The following GRM7 variants were observed in gnomAD, a reference collection of about 807,000 sequenced individuals.
The protein encoded by GRM7 is metabotropic glutamate receptor 7.
A neutral mutation model predicts 84.5 loss-of-function variants in GRM7; 35 were observed. That is an observed-to-expected ratio of 0.41 (90% CI 0.32 to 0.55). The LOEUF is 0.55. Ranked by LOEUF, GRM7 falls within the 20% of genes least tolerant of loss-of-function variation. GRM7 has a pLI of 0.19. For missense variants in GRM7, 1,003 were observed against 1,194.6 expected, an observed-to-expected ratio of 0.84 and a Z score of 2.36; for synonymous variants, 487 against 455.1, an observed-to-expected ratio of 1.07 and a Z score of -0.89.
At chr3:6,990,314 A>C (rs1010268856) in intron 1 of GRM7, among the ~76,000 whole-genome samples, 1 of 152,242 alleles carries the variant, frequency 6.6e-6, no homozygotes, top group African/African-American at 2.4e-5. Context: ...CTTTAAAAGG[A>C]AGCAAATAAA....
At chr3:7,281,494 A>G (rs914742002) in intron 2 of GRM7, among the ~76,000 whole-genome samples, 5 of 152,222 alleles carry the variant, frequency 3.3e-5, no homozygotes, top group African/African-American at 1.2e-4. Flanking sequence ...GACAGATGAG[A>G]CAATACTTGC....
chr3:7,055,105 A>C, intron 1 of GRM7, among the ~76,000 whole-genome samples: 1 of 151,864 alleles, frequency 6.6e-6, no homozygotes, highest in East Asian at 1.9e-4. Flanking sequence ...GCTTAGACCT[A>C]ATGCAAATCT....
chr3:7,351,640 A>T (rs1022016107), intron 4 of GRM7, among the ~76,000 whole-genome samples: 1 of 152,108 alleles, frequency 6.6e-6, no homozygotes. Flanking sequence ...TATGGCTAGA[A>T]CAAAGCAGGC....
chr3:7,479,341 C>T (rs955867564), intron 7 of GRM7, among the ~76,000 whole-genome samples: 1 of 151,872 alleles, frequency 6.6e-6, no homozygotes, highest in African/African-American at 2.4e-5. Context: ...TTGAGGGATA[C>T]TCCTTGGAGG....
intron 8 of GRM7, among the ~76,000 whole-genome samples, chr3:7,620,815 G>A (rs1033154412): frequency 7.9e-5 from 12 of 152,220 alleles, no homozygotes; most frequent in African/African-American, 1.9e-4. Flanking sequence ...TGCCTGTTAC[G>A]CTAGAGCAGC....
At chr3:6,975,695 A>G (rs1308389241) in intron 1 of GRM7, among the ~76,000 whole-genome samples, 1 of 152,106 alleles carries the variant, frequency 6.6e-6, no homozygotes, top group African/African-American at 2.4e-5. Context: ...ATTCTAATAT[A>G]TTTTATTTTG....
rs181983620 is a variant in GRM7 at position 6,944,279 on chromosome 3, C to A, written c.519+82372C>A. Among the ~76,000 whole-genome samples, 69 of 152,164 alleles carry A rather than the reference C, an allele frequency of 4.5e-4. 1 individual carries two copies. The highest frequency in any genetic ancestry group is 1.5e-3 in the African/African-American group (63 of 41,564). On this transcript the variant is annotated intron_variant, in intron 1 of 9. Coordinates refer to ENST00000357716, the MANE Select transcript of GRM7 (RefSeq NM_000844.4). ...TCATCTTAGAGAAAAGACTTTCAAT[C>A]TTTCATTACTAAGTATGTTGTTAAC...
chr3:7,239,112 A>G (rs9820947), intron 2 of GRM7, among the ~76,000 whole-genome samples: 135,831 of 151,068 alleles, frequency 0.9, 61,321 homozygotes, highest in East Asian at 0.98. Flanking sequence ...TGATCTTCCC[A>G]CCTCAGCCTC....
At chr3:7,429,233 C>G (rs907085706) in intron 5 of GRM7, among the ~76,000 whole-genome samples, 5 of 151,932 alleles carry the variant, frequency 3.3e-5, no homozygotes, top group African/African-American at 1.2e-4. Context: ...AGGAGAAGCA[C>G]TAAATGAGTT....
chr3:7,467,720 T>C (rs1347641151), intron 7 of GRM7, among the ~76,000 whole-genome samples: 1 of 152,208 alleles, frequency 6.6e-6, no homozygotes, highest in Non-Finnish European at 1.5e-5. Flanking sequence ...TATAATGCTC[T>C]CTGGATTGTT....
chr3:7,478,329 C>G (rs1330619094), intron 7 of GRM7, among the ~76,000 whole-genome samples: 1 of 152,096 alleles, frequency 6.6e-6, no homozygotes, highest in Admixed American at 6.6e-5. Context: ...TGTTTTATCA[C>G]TTCTTGTGAT....
intron 7 of GRM7, among the ~76,000 whole-genome samples, chr3:7,481,786 A>T (rs112943394): frequency 0.015 from 2,246 of 152,320 alleles, 51 homozygotes; most frequent in African/African-American, 0.049. Flanking sequence ...GATATTCTCA[A>T]TGTAGCTGGG....
chr3:7,164,482 A>G (rs1454392437), intron 2 of GRM7, among the ~76,000 whole-genome samples: 2 of 152,218 alleles, frequency 1.3e-5, no homozygotes, highest in African/African-American at 4.8e-5. Flanking sequence ...ACTTCTTCAG[A>G]GTTGTCACTC....
chr3:7,696,275 A>G (rs1304729648), intron 9 of GRM7, among the ~76,000 whole-genome samples: 4 of 152,210 alleles, frequency 2.6e-5, no homozygotes, highest in Admixed American at 2.6e-4. Context: ...ATAGTTTGCC[A>G]GAAATGATGT....
chr3:7,501,660 A>C (rs1699887478), intron 7 of GRM7, among the ~76,000 whole-genome samples: 1 of 152,194 alleles, frequency 6.6e-6, no homozygotes, highest in African/African-American at 2.4e-5. Context: ...TATGGTACTT[A>C]TTTCTTTGCT....
At chr3:6,930,802 C>G (rs1157505761) in intron 1 of GRM7, among the ~76,000 whole-genome samples, 1 of 152,182 alleles carries the variant, frequency 6.6e-6, no homozygotes, top group Non-Finnish European at 1.5e-5. Context: ...CAGATAGTCT[C>G]ATTTTCTTGA....
intron 1 of GRM7, among the ~76,000 whole-genome samples, chr3:6,952,054 A>G (rs1213707776): frequency 1.3e-5 from 2 of 152,150 alleles, no homozygotes; most frequent in East Asian, 1.9e-4. Flanking sequence ...TAAGGTTTAC[A>G]TCTATCATCT....
chr3:7,210,692 C>T (rs1363164533), intron 2 of GRM7, among the ~76,000 whole-genome samples: 1 of 152,066 alleles, frequency 6.6e-6, no homozygotes, highest in East Asian at 1.9e-4. Context: ...ATAATGTTCG[C>T]CAAGAAAGCC....
At chr3:7,470,769 G>A (rs1357486671) in intron 7 of GRM7, among the ~76,000 whole-genome samples, 2 of 152,100 alleles carry the variant, frequency 1.3e-5, no homozygotes, top group Non-Finnish European at 2.9e-5. Context: ...CTGGACTCTT[G>A]TAAGAGGGAC....
Sources: allele counts gnomAD v4.1 joint callset (sites outside exome capture counted in the v4.1 genomes callset), GRCh38; gene constraint gnomAD v4.1.1; transcripts MANE v1.5; gene names NCBI Gene and HGNC (gene_info 2026-07-23, HGNC 2026-07-21).